Variants in MAP3K20 observed in about 807,000 individuals in gnomAD.
The protein encoded by MAP3K20 is HCCS-4.
In MAP3K20, 40 loss-of-function variants were observed where a neutral mutation model predicts 85.7. The ratio of observed to expected loss-of-function variants is 0.47; its 90% CI spans 0.36 to 0.61. MAP3K20 has a LOEUF of 0.61. Ranked by LOEUF, MAP3K20 falls within the 20% of genes least tolerant of loss-of-function variation. The probability of loss-of-function intolerance (pLI) is 0.00; values close to 1 mark genes in which losing one functional copy is unlikely to be tolerated. For missense variants in MAP3K20, 817 were observed against 961.7 expected, an observed-to-expected ratio of 0.85 and a Z score of 1.99; for synonymous variants, 325 against 327.7, an observed-to-expected ratio of 0.99 and a Z score of 0.09.
At chr2:173,228,854 C>T (rs1292941017) in intron 11 of MAP3K20, among the ~76,000 whole-genome samples, 1 of 152,104 alleles carries the variant, frequency 6.6e-6, no homozygotes, top group East Asian at 1.9e-4. Context: ...ATATTTGTAA[C>T]AGAAGATGAG....
intron 2 of MAP3K20, among the ~76,000 whole-genome samples, chr2:173,120,129 C>T (rs1194599661): frequency 2.6e-5 from 4 of 152,044 alleles, no homozygotes; most frequent in African/African-American, 4.8e-5. Flanking sequence ...AGGGAAAATC[C>T]CCAAAGCTGC....
At chr2:173,141,915 C>A (rs1688986808) in intron 2 of MAP3K20, among the ~76,000 whole-genome samples, 1 of 152,088 alleles carries the variant, frequency 6.6e-6, no homozygotes, top group Non-Finnish European at 1.5e-5. Flanking sequence ...AGTGGAATGA[C>A]CTGTAATATG....
rs1690538254 is a variant in MAP3K20, at chr2:173,187,959, G to C, written c.415+336G>C. Among the ~76,000 whole-genome samples the C allele has an allele frequency of 2.0e-5, 3 of 152,116 alleles. 1 individual carries two copies. In the South Asian group the frequency reaches 6.2e-4, roughly 32 times the overall value. ...AGAATCATTTTCTAAAAGAGATACTGCTGTGTCAAAGTATGCAGTCATATA... is the reference window on the plus strand; with the variant it reads ...AGAATCATTTTCTAAAAGAGATACTCCTGTGTCAAAGTATGCAGTCATATA... On this transcript the variant is annotated intron_variant, in intron 5 of 19. Coordinates refer to ENST00000375213, the MANE Select transcript of MAP3K20 (RefSeq NM_016653.3).
intron 2 of MAP3K20, among the ~76,000 whole-genome samples, chr2:173,156,608 T>C (rs1326813595): frequency 6.6e-6 from 1 of 152,154 alleles, no homozygotes; most frequent in Non-Finnish European, 1.5e-5. Flanking sequence ...ATCCCTTGAA[T>C]GTGCAGTTTA....
chr2:173,194,764 G>T (rs376571610), intron 7 of MAP3K20, among the ~76,000 whole-genome samples: 1 of 126,182 alleles, frequency 7.9e-6, no homozygotes, highest in Admixed American at 7.4e-5. Flanking sequence ...TTAAAAAAAA[G>T]GTTTTTTTTT....
Position 173,167,854 on chromosome 2 carries a change from A to T in MAP3K20, c.160-1951A>T, listed in dbSNP as rs187949876. ...TTGTATTTATTCTTTATTGATAGAAAAATCTTTAATGATCACAAAATTCAG... is the reference window on the plus strand; with the variant it reads ...TTGTATTTATTCTTTATTGATAGAATAATCTTTAATGATCACAAAATTCAG... On this transcript the variant is annotated intron_variant, in intron 2 of 19. Transcript: ENST00000375213. Among the ~76,000 whole-genome samples the T allele has an allele frequency of 2.1e-3, 320 of 152,320 alleles. 3 individuals are homozygous for T. The highest frequency in any genetic ancestry group is 7.4e-3 in the African/African-American group (307 of 41,570).
chr2:173,208,790 T>C (rs908110183), intron 9 of MAP3K20, among the ~76,000 whole-genome samples: 2 of 152,266 alleles, frequency 1.3e-5, no homozygotes, highest in African/African-American at 4.8e-5. Context: ...TTTTAATTGC[T>C]GCAACTATAA....
intron 3 of MAP3K20, among the ~76,000 whole-genome samples, chr2:173,171,530 C>A (rs1656391341): frequency 6.6e-6 from 1 of 152,176 alleles, no homozygotes. Context: ...GAAATTCTTT[C>A]TCCAAGAGTT....
chr2:173,232,544 C>G, intron 14 of MAP3K20, 85 bp downstream of exon 14: 1 of 1,556,686 alleles, frequency 6.4e-7, no homozygotes, highest in Non-Finnish European at 8.7e-7. Context: ...TGCTCTGTTG[C>G]CCAGGCTGGA....
At chr2:173,204,990 C>G (rs1683626142) in intron 9 of MAP3K20, among the ~76,000 whole-genome samples, 1 of 151,144 alleles carries the variant, frequency 6.6e-6, no homozygotes, top group South Asian at 2.1e-4. Context: ...GTAGTCCCAG[C>G]TACTTGGGAG....
chr2:173,094,908 A>G (rs190679974), intron 2 of MAP3K20, among the ~76,000 whole-genome samples: 119 of 152,288 alleles, frequency 7.8e-4, no homozygotes, highest in African/African-American at 2.7e-3. Context: ...CTTTGAAGCT[A>G]AGTAAATATC....
chr2:173,127,754 G>C (rs541926358), intron 2 of MAP3K20, among the ~76,000 whole-genome samples: 1 of 150,712 alleles, frequency 6.6e-6, no homozygotes, highest in South Asian at 2.1e-4. Flanking sequence ...AAAAAAGTAA[G>C]ACATAAAGGC....
intron 7 of MAP3K20, chr2:173,197,819 A>C (rs1216747149): frequency 7.5e-6 from 2 of 266,422 alleles, no homozygotes; most frequent in Admixed American, 1.0e-4. Flanking sequence ...TAATTTCTAA[A>C]CCAGGTTTTT....
intron 2 of MAP3K20, among the ~76,000 whole-genome samples, chr2:173,104,917 G>A (rs1269413370): frequency 2.0e-5 from 3 of 152,108 alleles, no homozygotes; most frequent in Admixed American, 2.0e-4. Flanking sequence ...CATGGCAGGT[G>A]GGAGCATGCC....
At chr2:173,088,374 C>T (rs1221999250) in intron 1 of MAP3K20, among the ~76,000 whole-genome samples, 2 of 152,136 alleles carry the variant, frequency 1.3e-5, no homozygotes, top group East Asian at 3.8e-4. Flanking sequence ...GGCAAGTATG[C>T]CATGCTTGCA....
At chr2:173,174,962 G>A (rs1478690870) in intron 3 of MAP3K20, among the ~76,000 whole-genome samples, 1 of 152,168 alleles carries the variant, frequency 6.6e-6, no homozygotes, top group Non-Finnish European at 1.5e-5. Context: ...TATATTTGTA[G>A]TCATAACTGA....
chr2:173,213,983 A>C (rs1018206374), intron 10 of MAP3K20, among the ~76,000 whole-genome samples: 7 of 152,032 alleles, frequency 4.6e-5, no homozygotes, highest in Non-Finnish European at 1.0e-4. Context: ...GTGTCCAAAG[A>C]GTGTTTTAGT....
intron 1 of MAP3K20, among the ~76,000 whole-genome samples, chr2:173,077,538 ATGGTCTTT>A (rs2106129825): frequency 6.6e-6 from 1 of 152,338 alleles, no homozygotes; most frequent in East Asian, 1.9e-4. Context: ...ATAAAGAAAA[ATGGTCTTT>A]TGGACCACTG....
In MAP3K20 at chr2:173,085,647, T is replaced by G. The variant is rs73971694; in HGVS notation, c.-34-5351T>G. Among the ~76,000 whole-genome samples, 727 of 152,280 alleles carry G rather than the reference T, an allele frequency of 4.8e-3. 4 individuals carry two copies. Among genetic ancestry groups the G allele is most frequent in the African/African-American group, 0.016 (677 of 41,560 alleles). On this transcript the variant is annotated intron_variant, in intron 1 of 19. Transcript: ENST00000375213. ...ATTTTTGTGACATTTCTGCTCTAACTTACCCTTCAGTATTGTATGGTAGAT... is the reference window on the plus strand; with the variant it reads ...ATTTTTGTGACATTTCTGCTCTAACGTACCCTTCAGTATTGTATGGTAGAT...
Sources: allele counts gnomAD v4.1 joint callset (sites outside exome capture counted in the v4.1 genomes callset), GRCh38; gene constraint gnomAD v4.1.1; transcripts MANE v1.5; gene names NCBI Gene and HGNC (gene_info 2026-07-23, HGNC 2026-07-21).